The following CNTN5 variants were observed in gnomAD, a reference collection of about 807,000 sequenced individuals.
The protein encoded by CNTN5 is contactin 5, also known as contactin-5.
In CNTN5, 77 loss-of-function variants were observed where a neutral mutation model predicts 129.1. The ratio of observed to expected loss-of-function variants is 0.60; its 90% CI spans 0.50 to 0.72. The LOEUF is 0.72. Ranked by LOEUF, CNTN5 falls within the 30% of genes least tolerant of loss-of-function variation. The pLI, the probability that CNTN5 is intolerant of heterozygous loss-of-function variation, is 0.00. For missense variants in CNTN5, 1,478 were observed against 1,328.8 expected (o/e 1.11, Z -1.75); for synonymous variants, 509 against 465.6 (o/e 1.09, Z -1.20).
At chr11:99,927,103 T>C (rs1950079388) in intron 7 of CNTN5, among the ~76,000 whole-genome samples, 1 of 152,198 alleles carries the variant, frequency 6.6e-6, no homozygotes, top group Non-Finnish European at 1.5e-5. Context: ...TTGAGTTATA[T>C]TATTTGGACA....
intron 8 of CNTN5, among the ~76,000 whole-genome samples, chr11:99,984,125 T>G (rs1938524661): frequency 6.6e-6 from 1 of 151,862 alleles, no homozygotes; most frequent in South Asian, 2.1e-4. Flanking sequence ...CACAAAAAAT[T>G]TTTTAGCTGG....
chr11:100,055,061 A>G (rs1431394666), intron 9 of CNTN5, among the ~76,000 whole-genome samples: 1 of 145,618 alleles, frequency 6.9e-6, no homozygotes, highest in African/African-American at 2.5e-5. Flanking sequence ...AGGCAAATGT[A>G]TGTCCAGGAG....
intron 13 of CNTN5, among the ~76,000 whole-genome samples, chr11:100,168,363 G>A (rs1418389135): frequency 6.6e-6 from 1 of 151,922 alleles, no homozygotes; most frequent in Non-Finnish European, 1.5e-5. Flanking sequence ...CTTCAAAGCT[G>A]ATTCTCTTGT....
At chr11:99,718,711 T>A (rs975360712) in intron 3 of CNTN5, among the ~76,000 whole-genome samples, 6 of 151,942 alleles carry the variant, frequency 3.9e-5, no homozygotes, top group South Asian at 2.1e-4. Flanking sequence ...GAGAAAAAAA[T>A]TTTAGTCTCT....
At chr11:99,793,077 TTC>T (rs999326687) in intron 3 of CNTN5, among the ~76,000 whole-genome samples, 2 of 151,990 alleles carry the variant, frequency 1.3e-5, no homozygotes, top group Admixed American at 6.6e-5. Flanking sequence ...TTTTTTTTTT[TTC>T]GACACAGTCT....
intron 13 of CNTN5, among the ~76,000 whole-genome samples, chr11:100,095,957 C>G (rs1421108441): frequency 6.6e-6 from 1 of 151,954 alleles, no homozygotes; most frequent in East Asian, 1.9e-4. Flanking sequence ...CACTCAACAG[C>G]AAAGAAACCA....
chr11:100,089,822 A>T (rs576900102), intron 13 of CNTN5, among the ~76,000 whole-genome samples: 1 of 152,202 alleles, frequency 6.6e-6, no homozygotes, highest in South Asian at 2.1e-4. Flanking sequence ...ACATGTTCTC[A>T]CTTATAAGTG....
intron 13 of CNTN5, among the ~76,000 whole-genome samples, chr11:100,101,263 G>A (rs80252950): frequency 0.092 from 13,926 of 152,084 alleles, 798 homozygotes; most frequent in Admixed American, 0.13. Context: ...ATTCATGCAA[G>A]TTCAGTGGAA....
chr11:99,154,294 G>A (rs1008397384), intron 1 of CNTN5, among the ~76,000 whole-genome samples: 4 of 152,180 alleles, frequency 2.6e-5, no homozygotes, highest in Non-Finnish European at 5.9e-5. Flanking sequence ...GGCAGCCATG[G>A]CACGGTTGAG....
intron 2 of CNTN5, among the ~76,000 whole-genome samples, chr11:99,443,846 G>C (rs1236523237): frequency 6.6e-6 from 1 of 152,128 alleles, no homozygotes; most frequent in Non-Finnish European, 1.5e-5. Flanking sequence ...TTTATGATTT[G>C]GAACACAAAG....
chr11:99,305,326 A>T (rs1864825748), intron 1 of CNTN5, among the ~76,000 whole-genome samples: 1 of 152,214 alleles, frequency 6.6e-6, no homozygotes, highest in Non-Finnish European at 1.5e-5. Context: ...AACAGAAGAG[A>T]TGCTTGTTAA....
At chr11:100,151,355 G>A (rs1056817486) in intron 13 of CNTN5, among the ~76,000 whole-genome samples, 6 of 152,052 alleles carry the variant, frequency 3.9e-5, no homozygotes, top group African/African-American at 1.4e-4. Context: ...GTGAGCAAGA[G>A]ACAAAAATCT....
At position 99,230,528 on chromosome 11, in the gene CNTN5, G is replaced by C. The variant is rs933821758; in HGVS notation, c.-209-94818G>C. 2.0e-5 allele frequency among the ~76,000 whole-genome samples: 3 copies of C among 152,134 alleles called. No homozygotes were observed. In the South Asian group the frequency reaches 6.2e-4, roughly 31 times the overall value. ...TAATGAAGAGCTTTAGGAAGAAGCA[G>C]AGCAACACCTCAGTGACCATACATA... On this transcript the variant is annotated intron_variant, in intron 1 of 24. Coordinates refer to ENST00000524871, the MANE Select transcript of CNTN5 (RefSeq NM_014361.4).
At chr11:99,556,857 A>G (rs1948691332) in intron 3 of CNTN5, among the ~76,000 whole-genome samples, 1 of 150,958 alleles carries the variant, frequency 6.6e-6, no homozygotes, top group Non-Finnish European at 1.5e-5. Context: ...TCTTGACTCT[A>G]AAATGAGATA....
At chr11:99,352,009 C>T (rs918068140) in intron 2 of CNTN5, among the ~76,000 whole-genome samples, 1 of 152,170 alleles carries the variant, frequency 6.6e-6, no homozygotes, top group African/African-American at 2.4e-5. Flanking sequence ...ATGACATTGA[C>T]AAGACAAATG....
chr11:100,094,657 G>A (rs922883076), intron 13 of CNTN5, among the ~76,000 whole-genome samples: 2 of 151,444 alleles, frequency 1.3e-5, no homozygotes, highest in Admixed American at 6.6e-5. Flanking sequence ...TGGGGAGGGT[G>A]GAAAGAAAGA....
At chr11:99,072,115 T>C (rs1436525557) in intron 1 of CNTN5, among the ~76,000 whole-genome samples, 1 of 152,060 alleles carries the variant, frequency 6.6e-6, no homozygotes, top group Non-Finnish European at 1.5e-5. Context: ...CTACTCAATG[T>C]TGATAGAAAA....
intron 3 of CNTN5, among the ~76,000 whole-genome samples, chr11:99,642,736 C>T (rs1389641189): frequency 6.6e-6 from 1 of 152,116 alleles, no homozygotes; most frequent in East Asian, 1.9e-4. Flanking sequence ...ATTGACCAAC[C>T]TTTCTCCATC....
intron 3 of CNTN5, among the ~76,000 whole-genome samples, chr11:99,746,743 C>T (rs1156425713): frequency 2.6e-5 from 4 of 152,162 alleles, no homozygotes; most frequent in South Asian, 2.1e-4. Flanking sequence ...AAATTGTCTT[C>T]GACGAAACCA....
Sources: allele counts gnomAD v4.1 joint callset (sites outside exome capture counted in the v4.1 genomes callset), GRCh38; gene constraint gnomAD v4.1.1; transcripts MANE v1.5; gene names NCBI Gene and HGNC (gene_info 2026-07-23, HGNC 2026-07-21).